The following NAALADL1 variants were observed in gnomAD, a reference collection of about 807,000 sequenced individuals.
NAALADL1 encodes aminopeptidase NAALADL1.
Under a neutral mutation model 82.8 loss-of-function variants are expected in NAALADL1, and 77 were observed. That is an observed-to-expected ratio of 0.93 (90% CI 0.77 to 1.12). NAALADL1 has a LOEUF of 1.12. Ranked by LOEUF, NAALADL1 falls within the 50% of genes most tolerant of loss-of-function variation. The pLI, the probability that NAALADL1 is intolerant of heterozygous loss-of-function variation, is 0.00. For synonymous variants in NAALADL1, 358 were observed against 399.2 expected (o/e 0.90, Z 1.23); for missense variants, 956 against 964.0 (o/e 0.99, Z 0.11).
chr11:65,051,315 C>CTTTTTTTT lies in NAALADL1; in HGVS notation c.1198+1895_1198+1902dup, dbSNP rs10535126. On this transcript the variant is annotated intron_variant, in intron 8 of 17. Transcript: ENST00000358658. Reference sequence around the variant, plus strand: ...AAGTCTCTCTCTCCTTTCTTTCTTTCTTTTTTTTTTTTTTTTTTTTTTTTT... The same window carrying CTTTTTTTT: ...AAGTCTCTCTCTCCTTTCTTTCTTTCTTTTTTTTTTTTTTTTTTTTTTTTTTTTTTTTT... Among the ~76,000 whole-genome samples the CTTTTTTTT allele has an allele frequency of 2.2e-3, 131 of 59,566 alleles. 13 individuals carry two copies. The highest frequency in any genetic ancestry group is 7.4e-3 in the African/African-American group (115 of 15,592). 39.1% of individuals were successfully genotyped at this position (59,566 alleles called of 152,430 possible). A position where few individuals can be genotyped will look rare whatever the true frequency, so the allele number is the denominator to read the frequency against.
In NAALADL1 at chr11:65,045,852, G is replaced by A; in HGVS notation, c.2006C>T (p.Pro669Leu). The change falls in exon 17 of 18, where the codon CCT becomes CTT. Residue 669 changes from proline to leucine, a missense_variant. Physicochemically the swap from Pro to Leu is moderately conservative, Grantham distance 98. Coordinates refer to ENST00000358658, the MANE Select transcript of NAALADL1 (RefSeq NM_005468.3). ...GTAGCGTTCCTCTGGGAAGGCTCTA[G>A]GGTTCAGAAAGGTCCGTTCCAAGAG... Reference protein sequence around the residue: ...LMLLERTFLNPRAFPEERYYS... With the variant: ...LMLLERTFLNLRAFPEERYYS... 1 of 1,614,120 alleles carries A rather than the reference G, an allele frequency of 6.2e-7. No individual in the cohort carries two copies. Among genetic ancestry groups the A allele is most frequent in the Non-Finnish European group, 8.5e-7 (1 of 1,179,998 alleles).
In NAALADL1 at chr11:65,054,855, A is replaced by G; in HGVS notation, c.604-117T>C. 7.4e-7 allele frequency: 1 copy of G among 1,347,838 alleles called. No individual in the cohort carries two copies. The highest frequency in any genetic ancestry group is 1.0e-6 in the Non-Finnish European group (1 of 1,004,110). 83.5% of individuals were successfully genotyped at this position (1,347,838 alleles called of 1,614,324 possible). On this transcript the variant is annotated intron_variant, in intron 4 of 17. Transcript: ENST00000358658. This position sits in a 1 kb window ranked among gnomAD's most constrained non-coding sequence, Gnocchi z 4.3. Reference sequence around the variant, plus strand: ...GATAGACCAATCTTCCATGGGCAAGATGACGTTTGCACAAGTCATTTATGG... The same window carrying G: ...GATAGACCAATCTTCCATGGGCAAGGTGACGTTTGCACAAGTCATTTATGG...
Position 65,046,454 on chromosome 11 carries a change from A to T in NAALADL1, c.1672T>A (p.Leu558Met), listed in dbSNP as rs1190506594. The change falls in exon 14 of 18, where the codon TTG becomes ATG. Residue 558 changes from leucine (L) to methionine (M), a missense_variant. Coordinates refer to ENST00000358658, the MANE Select transcript of NAALADL1 (RefSeq NM_005468.3). ...TTGTCTCCCTCCTCACCCGGGTCCA[A>T]AAACTTGTCCACATAGTCAAAGGTG... ...FDTFDYVDKF[L>M]DPGFSSHQAV... The T allele has an allele frequency of 3.1e-6, 5 of 1,613,976 alleles. No individual in the cohort carries two copies. The highest frequency in any genetic ancestry group is 2.5e-6 in the Non-Finnish European group (3 of 1,180,024).
upstream of NAALADL1, among the ~76,000 whole-genome samples, chr11:65,061,032 G>T (rs900032986): frequency 2.6e-5 from 4 of 152,076 alleles, no homozygotes; most frequent in African/African-American, 9.7e-5. Flanking sequence ...GGCCCTGGAA[G>T]CCCTCTTAAC....
At position 65,057,412 on chromosome 11, in the gene NAALADL1, T is replaced by C; in HGVS notation, c.562A>G (p.Ile188Val). The change falls in exon 4 of 18, where the codon ATT (isoleucine) becomes GTT (valine). Residue 188 changes from isoleucine to valine, a missense_variant. Physicochemically the swap from Ile to Val is conservative, Grantham distance 29. Coordinates refer to ENST00000358658, the MANE Select transcript of NAALADL1 (RefSeq NM_005468.3). Reference sequence around the variant, plus strand: ...ACACCCCCATATCGAGTCAGGGCAATGGTGCCTTCAAGTTTGATGCCCTGA... The same window carrying C: ...ACACCCCCATATCGAGTCAGGGCAACGGTGCCTTCAAGTTTGATGCCCTGA... ...QTQGIKLEGT[I>V]ALTRYGGVGR... The C allele has an allele frequency of 6.2e-7, 1 of 1,614,164 alleles. No individual in the cohort carries two copies. The highest frequency in any genetic ancestry group is 2.2e-5 in the East Asian group (1 of 44,882).
intron 8 of NAALADL1, among the ~76,000 whole-genome samples, chr11:65,049,178 G>A (rs1322130793): frequency 6.6e-6 from 1 of 152,032 alleles, no homozygotes; most frequent in African/African-American, 2.4e-5. Context: ...ACACCACCGC[G>A]CCTGGCTGAT....
rs966786962 is a variant in NAALADL1, at chr11:65,053,662, G to C, written c.993-86C>G. ...CAGGAGACACTGAGGCCCGGAGCTG[G>C]AAAGTGACGTGGCAAGGCCATTCAT... On this transcript the variant is annotated intron_variant, in intron 6 of 17. Transcript: ENST00000358658. The surrounding 1 kb of genome is among the most constrained non-coding windows in gnomAD (Gnocchi z 4.3). 8.1e-6 allele frequency: 10 copies of C among 1,237,046 alleles called. No homozygotes were observed. Among genetic ancestry groups the C allele is most frequent in the Non-Finnish European group, 1.1e-5 (10 of 892,458 alleles). 76.6% of individuals were successfully genotyped at this position (1,237,046 alleles called of 1,614,324 possible).
Position 65,054,162 on chromosome 11 carries a change from G to T in NAALADL1, c.992+88C>A. The T allele has an allele frequency of 8.5e-7, 1 of 1,174,242 alleles. No individual in the cohort carries two copies. Among genetic ancestry groups the T allele is most frequent in the Non-Finnish European group, 1.2e-6 (1 of 805,758 alleles). 72.7% of individuals were successfully genotyped at this position (1,174,242 alleles called of 1,614,324 possible). On this transcript the variant is annotated intron_variant, in intron 6 of 17. Coordinates refer to ENST00000358658, the MANE Select transcript of NAALADL1 (RefSeq NM_005468.3). The surrounding 1 kb of genome is among the most constrained non-coding windows in gnomAD (Gnocchi z 4.3). ...AGGGAAAAAGGTCAGGCTTTGAAGTGGAAAGAGGGAACATCATCACAAGGG... is the reference window on the plus strand; with the variant it reads ...AGGGAAAAAGGTCAGGCTTTGAAGTTGAAAGAGGGAACATCATCACAAGGG...
chr11:65,051,366 C>CTTTTTTT (rs1946885699), intron 8 of NAALADL1, among the ~76,000 whole-genome samples: 3 of 79,780 alleles, frequency 3.8e-5, no homozygotes, highest in African/African-American at 1.3e-4. Context: ...AGACAGGGTC[C>CTTTTTTT]TTTTCTGTTG....
In NAALADL1 at chr11:65,047,469, G is replaced by C; in HGVS notation, c.1599+6C>G. 1 of 1,557,650 alleles carries C rather than the reference G, an allele frequency of 6.4e-7. No individual in the cohort carries two copies. The highest frequency in any genetic ancestry group is 1.4e-5 in the African/African-American group (1 of 73,446). On this transcript the variant is annotated splice_donor_region_variant and intron_variant, in intron 13 of 17. Coordinates refer to ENST00000358658, the MANE Select transcript of NAALADL1 (RefSeq NM_005468.3). Reference sequence around the variant, plus strand: ...CCGAGGCAGGGACGGAGGGGCGCCTGCTCACCCGGTCATAGGTATAGGCAA... The same window carrying C: ...CCGAGGCAGGGACGGAGGGGCGCCTCCTCACCCGGTCATAGGTATAGGCAA...
At chr11:65,050,827 T>C (rs1946867199) in intron 8 of NAALADL1, among the ~76,000 whole-genome samples, 1 of 151,968 alleles carries the variant, frequency 6.6e-6, no homozygotes, top group Non-Finnish European at 1.5e-5. Flanking sequence ...CAAAAACATA[T>C]ATAGTTATAT....
At chr11:65,052,693 A>G (rs1946921059) in intron 8 of NAALADL1, among the ~76,000 whole-genome samples, 1 of 152,056 alleles carries the variant, frequency 6.6e-6, no homozygotes, top group African/African-American at 2.4e-5. Context: ...CCTTGGACTG[A>G]ACTCCAAACT....
At position 65,046,127 on chromosome 11, in the gene NAALADL1, A is replaced by G. The variant is rs200808031; in HGVS notation, c.1856-13T>C. 2.5e-5 allele frequency: 40 copies of G among 1,614,088 alleles called. No individual in the cohort carries two copies. In the East Asian group the frequency reaches 8.5e-4, roughly 34 times the overall value. ...GTCACCAGAGGCCCTGTGAGGAACA[A>G]GCAGTGGCTCAGTCATGGGGGTGCA... On this transcript the variant is annotated splice_polypyrimidine_tract_variant and intron_variant, in intron 15 of 17. Transcript: ENST00000358658.
At position 65,047,531 on chromosome 11, in the gene NAALADL1, G is replaced by GTGCA; in HGVS notation, c.1539_1542dup (p.Pro515CysfsTer19). On this transcript the variant is annotated frameshift_variant, in exon 13 of 18. Transcript: ENST00000358658. LOFTEE classifies it high-confidence loss of function. ...GAGATGCCCAGGAAGTGAACGAAGG[G>GTGCA]TGCATAGTCGCTGCCAGCACCCAGA... 2 of 1,572,006 alleles carry GTGCA rather than the reference G, an allele frequency of 1.3e-6. No homozygotes were observed. The highest frequency in any genetic ancestry group is 1.7e-6 in the Non-Finnish European group (2 of 1,158,514).
At chr11:65,047,903 GC>G in intron 11 of NAALADL1, 77 bp downstream of exon 11, 1 of 328,572 alleles carries the variant, frequency 3.0e-6, no homozygotes, top group Non-Finnish European at 4.8e-6. Context: ...CCCCAGCCCC[GC>G]CCACCCGTAG....
intron 17 of NAALADL1, 95 bp from the exon 18 acceptor site, chr11:65,045,552 G>C (rs1288118089): frequency 2.2e-6 from 3 of 1,338,242 alleles, no homozygotes; most frequent in African/African-American, 1.5e-5. Flanking sequence ...TGTACGCAGC[G>C]AGGCAGAAAA....
At position 65,046,067 on chromosome 11, in the gene NAALADL1, A is replaced by G; in HGVS notation, c.1903T>C (p.Leu635=). 2 of 1,614,096 alleles carry G rather than the reference A, an allele frequency of 1.2e-6. No individual in the cohort carries two copies. The highest frequency in any genetic ancestry group is 1.7e-6 in the Non-Finnish European group (2 of 1,180,008). ...VEKFEAEAAA[L]GQRISTLQKG... ...TGCAGTGTTGATATGCGTTGGCCCA[A>G]GGCTGCAGCTTCTGCCTCAAACTTC... The change falls in exon 16 of 18, where the codon TTG becomes CTG. Residue 635 remains leucine (L), a synonymous_variant. Transcript: ENST00000358658.
At chr11:65,047,923 TC>T in intron 11 of NAALADL1, 57 bp downstream of exon 11, 1 of 862,294 alleles carries the variant, frequency 1.2e-6, no homozygotes, top group Non-Finnish European at 1.7e-6. Flanking sequence ...AGCGGCCCCG[TC>T]CGCCGCACGC....
intron 11 of NAALADL1, 84 bp downstream of exon 11, chr11:65,047,897 A>G: frequency 1.2e-5 from 6 of 486,650 alleles, no homozygotes; most frequent in Non-Finnish European, 1.9e-5. Context: ...ACCACTCCCC[A>G]GCCCCGCCCA....
Sources: allele counts gnomAD v4.1 joint callset (sites outside exome capture counted in the v4.1 genomes callset), GRCh38; gene constraint gnomAD v4.1.1; non-coding constraint Gnocchi (gnomAD v3.1); transcripts MANE v1.5; gene names NCBI Gene and HGNC (gene_info 2026-07-23, HGNC 2026-07-21).